IQCJ: variants seen among roughly 807,000 people sequenced by gnomAD.
The protein encoded by IQCJ is IQ motif containing J.
IQCJ carries 9 observed loss-of-function variants against 11.0 expected under a neutral mutation model. The ratio of observed to expected loss-of-function variants is 0.82; its 90% CI spans 0.49 to 1.43. The LOEUF is 1.43. IQCJ is among the 40% of genes most tolerant of loss of function. The pLI, the probability that IQCJ is intolerant of heterozygous loss-of-function variation, is 0.00. For missense variants in IQCJ, 146 were observed against 133.2 expected (o/e 1.10, Z -0.47); for synonymous variants, 55 against 51.3 (o/e 1.07, Z -0.31).
chr3:159,135,818 A>G (rs542146654), intron 1 of IQCJ, among the ~76,000 whole-genome samples: 1 of 152,356 alleles, frequency 6.6e-6, no homozygotes, highest in African/African-American at 2.4e-5. Flanking sequence ...ACCTTTAGGC[A>G]GCCATGAATT....
At chr3:159,112,653 A>C (rs896103837) in intron 1 of IQCJ, among the ~76,000 whole-genome samples, 3 of 152,142 alleles carry the variant, frequency 2.0e-5, no homozygotes, top group African/African-American at 7.2e-5. Flanking sequence ...ACAGACCTGG[A>C]TGCTGACCGT....
At chr3:159,236,410 G>C (rs185564059) in intron 1 of IQCJ, among the ~76,000 whole-genome samples, 1 of 152,256 alleles carries the variant, frequency 6.6e-6, no homozygotes, top group African/African-American at 2.4e-5. Context: ...AGCAGGGATA[G>C]AAGGGAAGTG....
chr3:159,218,962 A>G (rs1192900610), intron 1 of IQCJ, among the ~76,000 whole-genome samples: 1 of 152,132 alleles, frequency 6.6e-6, no homozygotes, highest in African/African-American at 2.4e-5. Context: ...CCATCTTCAA[A>G]GCCAGCAGCA....
At chr3:159,197,578 C>A (rs192718881) in intron 1 of IQCJ, among the ~76,000 whole-genome samples, 2 of 152,234 alleles carry the variant, frequency 1.3e-5, no homozygotes, top group East Asian at 1.9e-4. Flanking sequence ...ATTGATCCAA[C>A]AGATTTTCTC....
intron 3 of IQCJ, among the ~76,000 whole-genome samples, chr3:159,260,585 C>G (rs1162031268): frequency 1.3e-5 from 2 of 152,174 alleles, no homozygotes; most frequent in Non-Finnish European, 2.9e-5. Flanking sequence ...TCACTCCTCT[C>G]TGATATAACG....
At chr3:159,254,640 C>A (rs527795175) in intron 3 of IQCJ, among the ~76,000 whole-genome samples, 6 of 152,224 alleles carry the variant, frequency 3.9e-5, no homozygotes, top group South Asian at 4.1e-4. Flanking sequence ...ATACATGAGA[C>A]CTTTTCTACA....
At chr3:159,119,613 C>T (rs1175184039) in intron 1 of IQCJ, among the ~76,000 whole-genome samples, 1 of 152,046 alleles carries the variant, frequency 6.6e-6, no homozygotes, top group Non-Finnish European at 1.5e-5. Context: ...AAAATTAAAG[C>T]CAAGAGAAAG....
At chr3:159,180,356 A>G (rs1723024860) in intron 1 of IQCJ, among the ~76,000 whole-genome samples, 1 of 151,974 alleles carries the variant, frequency 6.6e-6, no homozygotes, top group African/African-American at 2.4e-5. Context: ...GTGTGCACAC[A>G]TAGGCAAATA....
intron 2 of IQCJ, among the ~76,000 whole-genome samples, chr3:159,246,457 G>C (rs1231214755): frequency 6.6e-6 from 1 of 152,160 alleles, no homozygotes; most frequent in East Asian, 1.9e-4. Flanking sequence ...TCACGGATGA[G>C]GAAAAACAGG....
chr3:159,225,252 C>A (rs1267837857), intron 1 of IQCJ, among the ~76,000 whole-genome samples: 1 of 152,042 alleles, frequency 6.6e-6, no homozygotes, highest in African/African-American at 2.4e-5. Flanking sequence ...GTGAATGGAC[C>A]TCCACAAAAT....
In IQCJ at chr3:159,170,943, A is replaced by G. The variant is rs985963476; in HGVS notation, c.10-74900A>G. 5.9e-5 allele frequency among the ~76,000 whole-genome samples: 9 copies of G among 152,174 alleles called. No individual in the cohort carries two copies. The East Asian group carries it at 1.7e-3, about 29-fold the overall frequency. On this transcript the variant is annotated intron_variant, in intron 1 of 3. Coordinates refer to ENST00000397832, the MANE Select transcript of IQCJ (RefSeq NM_001042706.3). ...ATTTTCTTTAGTCATTCTCCTAGGC[A>G]TGATTGTATTTAAATAACTTCTCCA...
intron 1 of IQCJ, among the ~76,000 whole-genome samples, chr3:159,233,726 C>T (rs1305104337): frequency 6.6e-6 from 1 of 152,092 alleles, no homozygotes; most frequent in Non-Finnish European, 1.5e-5. Context: ...ACAGGAATGA[C>T]AAGACAAGTA....
chr3:159,177,304 A>G (rs572521240), intron 1 of IQCJ, among the ~76,000 whole-genome samples: 10 of 152,144 alleles, frequency 6.6e-5, no homozygotes, highest in Non-Finnish European at 1.2e-4. Flanking sequence ...CAATCCTTAT[A>G]TAAAGATTTC....
At chr3:159,201,627 CTTTTTTTTTTTT>C (rs71144478) in intron 1 of IQCJ, among the ~76,000 whole-genome samples, 141 of 70,310 alleles carry the variant, frequency 2.0e-3, no homozygotes, top group South Asian at 5.5e-3. Flanking sequence ...GATAATGATT[CTTTTTTTTTTTT>C]TTTTTTTTTT....
At chr3:159,256,928 G>A (rs1406687665) in intron 3 of IQCJ, among the ~76,000 whole-genome samples, 1 of 152,120 alleles carries the variant, frequency 6.6e-6, no homozygotes, top group African/African-American at 2.4e-5. Context: ...TTGACTTCTT[G>A]CAGGGGTTAC....
chr3:159,238,958 G>A (rs1213474099), intron 1 of IQCJ, among the ~76,000 whole-genome samples: 3 of 152,144 alleles, frequency 2.0e-5, no homozygotes, highest in Admixed American at 6.5e-5. Context: ...TAGAAAAATG[G>A]CATTGTCTTC....
At chr3:159,125,633 G>T (rs1381483258) in intron 1 of IQCJ, among the ~76,000 whole-genome samples, 1 of 152,158 alleles carries the variant, frequency 6.6e-6, no homozygotes, top group African/African-American at 2.4e-5. Context: ...TTTTTAAAAA[G>T]GCAAGGTCAC....
At chr3:159,244,320 G>T (rs1348632617) in intron 1 of IQCJ, among the ~76,000 whole-genome samples, 1 of 152,156 alleles carries the variant, frequency 6.6e-6, no homozygotes, top group Non-Finnish European at 1.5e-5. Context: ...TGTTTCCAGA[G>T]GTTTTGTAGG....
rs139821831 is a variant in IQCJ, at chr3:159,150,097, A to T, written c.9+80656A>T. 3.4e-3 allele frequency among the ~76,000 whole-genome samples: 515 copies of T among 152,054 alleles called. 4 individuals carry two copies. Among genetic ancestry groups the T allele is most frequent in the Middle Eastern group, 0.02 (6 of 294 alleles). ...ACTTAGATTAGTGCTCATCTCCCCTAATCCCAAGATGGTTGTTGATTGCCT... is the reference window on the plus strand; with the variant it reads ...ACTTAGATTAGTGCTCATCTCCCCTTATCCCAAGATGGTTGTTGATTGCCT... On this transcript the variant is annotated intron_variant, in intron 1 of 3. Coordinates refer to ENST00000397832, the MANE Select transcript of IQCJ (RefSeq NM_001042706.3).
Sources: allele counts gnomAD v4.1 joint callset (sites outside exome capture counted in the v4.1 genomes callset), GRCh38; gene constraint gnomAD v4.1.1; transcripts MANE v1.5; gene names NCBI Gene and HGNC (gene_info 2026-07-23, HGNC 2026-07-21).